The following STAG3 variants were observed in gnomAD, a reference collection of about 807,000 sequenced individuals.
STAG3 encodes the protein STAG3 cohesin complex component, also known as cohesin subunit SA-3.
Under a neutral mutation model 160.7 loss-of-function variants are expected in STAG3, and 101 were observed. The observed-to-expected ratio is 0.63, with a 90% CI of 0.54 to 0.74. The LOEUF (loss-of-function observed/expected upper bound fraction) is 0.74. Ranked by LOEUF, STAG3 falls within the 30% of genes least tolerant of loss-of-function variation. STAG3 has a pLI of 0.00. For synonymous variants in STAG3, 519 were observed against 585.0 expected (o/e 0.89, Z 1.63); for missense variants, 1,188 against 1,517.4 (o/e 0.78, Z 3.61).
Position 100,205,140 on chromosome 7 carries a change from T to G in STAG3, c.3080+7T>G. On this transcript the variant is annotated splice_region_variant and intron_variant, in intron 28 of 33. Coordinates refer to ENST00000615138, the MANE Select transcript of STAG3 (RefSeq NM_001282717.2). Reference sequence around the variant, plus strand: ...ATCAGGACAAGCAGCTTTTGTAAGTTGGTGGGTGGATAGAGATGTGGATTA... The same window carrying G: ...ATCAGGACAAGCAGCTTTTGTAAGTGGGTGGGTGGATAGAGATGTGGATTA... 1 of 1,614,030 alleles carries G rather than the reference T, an allele frequency of 6.2e-7. No homozygotes were observed. Among genetic ancestry groups the G allele is most frequent in the Non-Finnish European group, 8.5e-7 (1 of 1,179,958 alleles).
chr7:100,198,372 TGA>T, intron 12 of STAG3, 101 bp from the exon 13 acceptor site: 2 of 1,355,510 alleles, frequency 1.5e-6, no homozygotes, highest in Non-Finnish European at 2.1e-6. Context: ...AAGTTTTTTG[TGA>T]GTTATGTCCT....
downstream of STAG3, among the ~76,000 whole-genome samples, chr7:100,217,560 G>C (rs969439772): frequency 1.3e-5 from 2 of 152,166 alleles, no homozygotes; most frequent in Non-Finnish European, 2.9e-5. Context: ...AGCTGGGCCC[G>C]GGGGACCACT....
intron 8 of STAG3, among the ~76,000 whole-genome samples, chr7:100,191,409 G>T (rs772546459): frequency 6.6e-6 from 1 of 152,112 alleles, no homozygotes; most frequent in Admixed American, 6.5e-5. Flanking sequence ...CAAAGATATT[G>T]CAGATTCAAT....
At chr7:100,199,112 A>AG in intron 14 of STAG3, 150 bp from the exon 15 acceptor site, 1 of 874,904 alleles carries the variant, frequency 1.1e-6, no homozygotes, top group South Asian at 1.4e-5. Flanking sequence ...CAACACAGTG[A>AG]GACCCTGTCT....
intron 2 of STAG3, 86 bp downstream of exon 2, chr7:100,180,758 G>A (rs1349083868): frequency 2.4e-6 from 2 of 835,612 alleles, no homozygotes; most frequent in East Asian, 2.4e-5. Flanking sequence ...TAATATGCGT[G>A]GGACTGTGTG....
At chr7:100,216,670 A>G (rs1802777842), downstream of STAG3, among the ~76,000 whole-genome samples, 1 of 151,994 alleles carries the variant, frequency 6.6e-6, no homozygotes, top group Non-Finnish European at 1.5e-5. Context: ...GTGTGGTGGC[A>G]TGAGCCTGTA....
Position 100,205,202 on chromosome 7 carries a change from GCTTTTGGTT to G in STAG3, c.3081-22_3081-14del. 6.2e-7 allele frequency: 1 copy of G among 1,613,484 alleles called. No homozygotes were observed. The highest frequency in any genetic ancestry group is 8.5e-7 in the Non-Finnish European group (1 of 1,179,642). ...GCTGAGGGCCCAGTAGCCCCTTCAGGCTTTTGGTTCTACCTCTTTCATAGACTGTCCTAT... is the reference window on the plus strand; with the variant it reads ...GCTGAGGGCCCAGTAGCCCCTTCAGGCTACCTCTTTCATAGACTGTCCTAT... On this transcript the variant is annotated splice_polypyrimidine_tract_variant and intron_variant, in intron 28 of 33. Coordinates refer to ENST00000615138, the MANE Select transcript of STAG3 (RefSeq NM_001282717.2).
At chr7:100,208,823 G>C (rs1407706415) in intron 29 of STAG3, among the ~76,000 whole-genome samples, 1 of 152,174 alleles carries the variant, frequency 6.6e-6, no homozygotes, top group East Asian at 1.9e-4. Context: ...AGGATTGTGA[G>C]GAATGCTGGC....
intron 3 of STAG3, 131 bp from the exon 4 acceptor site, chr7:100,182,592 G>C (rs1299457000): frequency 9.9e-6 from 9 of 906,028 alleles, no homozygotes; most frequent in African/African-American, 1.7e-5. Flanking sequence ...TCAGGACTGA[G>C]TCTAACTCAG....
chr7:100,211,617 CCTCT>C, intron 31 of STAG3, 78 bp downstream of exon 31: 3 of 1,520,294 alleles, frequency 2.0e-6, no homozygotes, highest in Non-Finnish European at 2.7e-6. Context: ...TCACCCATTG[CCTCT>C]CTGTGGGTGC....
chr7:100,180,649 G>T lies in STAG3; in HGVS notation c.93G>T (p.Arg31Ser). 6.2e-7 allele frequency: 1 copy of T among 1,610,758 alleles called. No individual in the cohort carries two copies. The highest frequency in any genetic ancestry group is 8.5e-7 in the Non-Finnish European group (1 of 1,176,958). ...CTGCCAGTCTACCCTTTGATGACAG[G>T]GACTCAAACCATACCTCAGAGGGGT... is the stretch of plus-strand genomic sequence containing the variant. ...SSSASLPFDD[R>S]DSNHTSEGNG... The change falls in exon 2 of 34, where the codon AGG (arginine) becomes AGT (serine). Residue 31 changes from arginine (R) to serine (S), a missense_variant. By Grantham distance (110) the Arg-to-Ser change is moderately radical. Around this residue, in one of 4 missense-constraint regions of STAG3, gnomAD observed 296 missense variants for 404.0 expected, o/e 0.73. Transcript: ENST00000615138.
intron 8 of STAG3, among the ~76,000 whole-genome samples, chr7:100,193,378 A>T (rs559638550): frequency 1.3e-5 from 2 of 152,228 alleles, no homozygotes; most frequent in Non-Finnish European, 2.9e-5. Flanking sequence ...GAAGCTTTGA[A>T]GCCAGGCATT....
At chr7:100,203,093 T>C (rs1801289054) in intron 25 of STAG3, among the ~76,000 whole-genome samples, 1 of 152,180 alleles carries the variant, frequency 6.6e-6, no homozygotes, top group Admixed American at 6.5e-5. Context: ...AGACAAATAG[T>C]GAAGGTGTCA....
chr7:100,192,532 A>G (rs1427285958), intron 8 of STAG3, among the ~76,000 whole-genome samples: 1 of 152,192 alleles, frequency 6.6e-6, no homozygotes, highest in African/African-American at 2.4e-5. Context: ...TCAAAAATAA[A>G]TAAAATAAAA....
intron 8 of STAG3, among the ~76,000 whole-genome samples, chr7:100,193,710 T>G (rs1455962525): frequency 6.6e-6 from 1 of 152,222 alleles, no homozygotes; most frequent in African/African-American, 2.4e-5. Flanking sequence ...GGATTGGGCT[T>G]TGGCCAAAGG....
chr7:100,200,398 G>T, intron 17 of STAG3, 55 bp from the exon 18 acceptor site: 6 of 1,612,560 alleles, frequency 3.7e-6, no homozygotes, highest in Non-Finnish European at 5.1e-6. Context: ...GGGGGTGGGA[G>T]TAGGAATTAG....
chr7:100,209,727 C>A (rs1252242818), intron 29 of STAG3, among the ~76,000 whole-genome samples: 2 of 152,132 alleles, frequency 1.3e-5, no homozygotes. Context: ...TGCCGAGAAA[C>A]GGCCAGATTC....
Position 100,201,137 on chromosome 7 carries a change from G to GAA in STAG3, c.2111_2112dup (p.Arg705AsnfsTer12). 6.2e-7 allele frequency: 1 copy of GAA among 1,614,242 alleles called. No individual in the cohort carries two copies. The highest frequency in any genetic ancestry group is 8.5e-7 in the Non-Finnish European group (1 of 1,180,050). On this transcript the variant is annotated frameshift_variant, in exon 20 of 34. Coordinates refer to ENST00000615138, the MANE Select transcript of STAG3 (RefSeq NM_001282717.2). LOFTEE classifies it high-confidence loss of function. ...AGGTATATAATCTGGCAGCCACTCT[G>GAA]AAACGCCTCTCTGCCTTCTACAAGT...
chr7:100,198,542 C>A lies in STAG3; in HGVS notation c.1312C>A (p.Arg438=). 1.9e-6 allele frequency: 3 copies of A among 1,614,122 alleles called. No individual in the cohort carries two copies. Among genetic ancestry groups the A allele is most frequent in the African/African-American group, 1.3e-5 (1 of 75,056 alleles). The change falls in exon 13 of 34, where the codon CGA becomes AGA. Residue 438 remains arginine, a synonymous_variant. Coordinates refer to ENST00000615138, the MANE Select transcript of STAG3 (RefSeq NM_001282717.2). The stretch of plus-strand genomic sequence containing the variant: ...CTACCCAGTTGTGTATGCCTCTCAT[C>A]GAGGCCTGGCCTCTGCCGCAGGCGA... ...SVYPVVYASH[R]GLASAAGEFL...
Sources: gnomAD v4.1 joint callset for allele counts (sites outside exome capture counted in the v4.1 genomes callset) on GRCh38, gnomAD v4.1.1 for gene constraint, gnomAD v4.1.1 regional missense constraint, MANE v1.5 for transcripts, NCBI Gene and HGNC (gene_info 2026-07-23, HGNC 2026-07-21) for gene names.